MPP7: variants seen among roughly 807,000 people sequenced by gnomAD.
MPP7 encodes MAGUK p55 subfamily member 7.
In MPP7, 60 loss-of-function variants were observed where a neutral mutation model predicts 76.5. The ratio of observed to expected loss-of-function variants is 0.78; its 90% confidence interval spans 0.64 to 0.97. The LOEUF (loss-of-function observed/expected upper bound fraction) is 0.97, where lower values mean the gene tolerates loss of function less well. MPP7 is among the 50% of genes least tolerant of loss of function. The pLI is 0.00. For synonymous variants in MPP7, 237 were observed against 244.5 expected (o/e 0.97, Z 0.29); for missense variants, 641 against 694.0 (o/e 0.92, Z 0.86).
chr10:28,165,565 TTC>T (rs1836422951), intron 3 of MPP7, among the ~76,000 whole-genome samples: 1 of 151,812 alleles, frequency 6.6e-6, no homozygotes, highest in African/African-American at 2.4e-5. Context: ...AGAAGCCTCA[TTC>T]TCTGCTGTAT....
chr10:28,266,314 G>A (rs188935852), intron 1 of MPP7, among the ~76,000 whole-genome samples: 2 of 152,290 alleles, frequency 1.3e-5, no homozygotes, highest in Non-Finnish European at 2.9e-5. Flanking sequence ...CAATAAAGAA[G>A]TAGAGCAGGG....
At chr10:28,208,243 C>T (rs1175412209) in intron 2 of MPP7, among the ~76,000 whole-genome samples, 1 of 152,148 alleles carries the variant, frequency 6.6e-6, no homozygotes, top group African/African-American at 2.4e-5. Context: ...AAACACCCAC[C>T]TCCAGGATGC....
intron 10 of MPP7, 111 bp from the exon 11 acceptor site, chr10:28,119,826 G>A (rs1834773577): frequency 1.2e-6 from 1 of 822,510 alleles, no homozygotes; most frequent in Non-Finnish European, 1.9e-6. Context: ...AGAAAAAAAT[G>A]AATGTAATGC....
intron 2 of MPP7, among the ~76,000 whole-genome samples, chr10:28,311,555 G>C (rs1416466591): frequency 6.7e-6 from 1 of 150,074 alleles, no homozygotes; most frequent in African/African-American, 2.4e-5. Context: ...ATTCAAACAA[G>C]TTGTGTCCGG....
chr10:28,199,002 C>T (rs1345986415), intron 3 of MPP7, among the ~76,000 whole-genome samples: 3 of 152,118 alleles, frequency 2.0e-5, no homozygotes, highest in Non-Finnish European at 2.9e-5. Context: ...ATTTAATGGA[C>T]TCACAGTTCC....
chr10:28,171,637 C>T (rs1836684066), intron 3 of MPP7, among the ~76,000 whole-genome samples: 1 of 152,234 alleles, frequency 6.6e-6, no homozygotes, highest in Non-Finnish European at 1.5e-5. Context: ...ATGCTTGCAA[C>T]CAAACTTTTT....
At chr10:28,173,034 C>G (rs1220859346) in intron 3 of MPP7, among the ~76,000 whole-genome samples, 4 of 151,912 alleles carry the variant, frequency 2.6e-5, no homozygotes, top group Non-Finnish European at 5.9e-5. Flanking sequence ...TTGGTGGACA[C>G]AAAATAAAAT....
chr10:28,282,928 G>T (rs902374960), intron 1 of MPP7, among the ~76,000 whole-genome samples: 1 of 151,974 alleles, frequency 6.6e-6, no homozygotes, highest in African/African-American at 2.4e-5. Flanking sequence ...ACGGTGTGTG[G>T]ATAGGGGTAG....
chr10:28,124,528 T>C (rs1163847371), intron 7 of MPP7, among the ~76,000 whole-genome samples: 1 of 121,798 alleles, frequency 8.2e-6, no homozygotes, highest in African/African-American at 3.2e-5. Flanking sequence ...CAGGCTGGAG[T>C]GCAGTGGCAC....
At chr10:28,106,336 A>G (rs754790418) in intron 11 of MPP7, among the ~76,000 whole-genome samples, 4 of 152,188 alleles carry the variant, frequency 2.6e-5, no homozygotes, top group South Asian at 4.1e-4. Context: ...AAGTCAGAAG[A>G]GAAGTGTAGG....
intron 12 of MPP7, among the ~76,000 whole-genome samples, chr10:28,073,121 T>C (rs776919074): frequency 1.3e-5 from 2 of 152,346 alleles, no homozygotes; most frequent in Middle Eastern, 3.4e-3. Flanking sequence ...ATCCCCATGA[T>C]GGCAATTTCG....
At chr10:28,302,685 C>G (rs1589042974) in intron 1 of MPP7, among the ~76,000 whole-genome samples, 176 bp downstream of exon 1, 1 of 151,912 alleles carries the variant, frequency 6.6e-6, no homozygotes, top group Non-Finnish European at 1.5e-5. Flanking sequence ...CACCTCCTCA[C>G]AAGGTGCCCG....
At chr10:28,139,546 A>C (rs1325337750) in intron 5 of MPP7, among the ~76,000 whole-genome samples, 1 of 152,058 alleles carries the variant, frequency 6.6e-6, no homozygotes, top group Non-Finnish European at 1.5e-5. Context: ...CACACACACA[A>C]ACATCTGTTA....
intron 8 of MPP7, among the ~76,000 whole-genome samples, chr10:28,121,264 A>T (rs1391034284): frequency 6.8e-6 from 1 of 147,508 alleles, no homozygotes; most frequent in African/African-American, 2.6e-5. Context: ...CAGAGCAAGA[A>T]GCTTTTTTTT....
chr10:28,290,790 T>C (rs1483427870), intron 1 of MPP7, among the ~76,000 whole-genome samples: 1 of 152,012 alleles, frequency 6.6e-6, no homozygotes, highest in Non-Finnish European at 1.5e-5. Context: ...GTTTTCTTAT[T>C]AAACAAAAAG....
At chr10:28,316,505 T>G (rs7074005) in intron 2 of MPP7, among the ~76,000 whole-genome samples, 17,915 of 147,632 alleles carry the variant, frequency 0.12, 1,882 homozygotes, top group East Asian at 0.39. Context: ...TGTATGGACT[T>G]TAGTTGCTAA....
intron 2 of MPP7, among the ~76,000 whole-genome samples, chr10:28,322,104 T>C (rs944200379): frequency 6.6e-6 from 1 of 151,828 alleles, no homozygotes; most frequent in East Asian, 1.9e-4. Flanking sequence ...GAGTCACAGA[T>C]CCAGGGAGGT....
chr10:28,224,260 T>C (rs1183347434), intron 2 of MPP7, among the ~76,000 whole-genome samples: 1 of 152,096 alleles, frequency 6.6e-6, no homozygotes, highest in Non-Finnish European at 1.5e-5. Flanking sequence ...GGAGATGAAT[T>C]AGTTTCTGAA....
At chr10:28,312,948 A>ACT (rs1554870064) in intron 2 of MPP7, among the ~76,000 whole-genome samples, 1 of 152,206 alleles carries the variant, frequency 6.6e-6, no homozygotes, top group Non-Finnish European at 1.5e-5. Context: ...GCAACATAGA[A>ACT]AACAGCACCC....
Sources: allele counts gnomAD v4.1 joint callset (sites outside exome capture counted in the v4.1 genomes callset), GRCh38; gene constraint gnomAD v4.1.1; transcripts MANE v1.5; gene names NCBI Gene and HGNC (gene_info 2026-07-23, HGNC 2026-07-21).